The following UBR1 variants were observed in gnomAD, a reference collection of about 807,000 sequenced individuals.
The protein encoded by UBR1 is E3 ubiquitin-protein ligase UBR1.
Under a neutral mutation model 242.1 loss-of-function variants are expected in UBR1, and 102 were observed. The ratio of observed to expected loss-of-function variants is 0.42; its 90% CI spans 0.36 to 0.50. The LOEUF (loss-of-function observed/expected upper bound fraction) is 0.50. UBR1 is among the 20% of genes least tolerant of loss of function. The pLI is 0.01. For synonymous variants in UBR1, 675 were observed against 684.8 expected (o/e 0.99, Z 0.22); for missense variants, 1,772 against 2,101.8 (o/e 0.84, Z 3.07).
At chr15:43,056,279 T>C in intron 11 of UBR1, 65 bp downstream of exon 11, 2 of 1,212,212 alleles carry the variant, frequency 1.6e-6, no homozygotes, top group Admixed American at 1.7e-5. Flanking sequence ...CAACATTAAG[T>C]GGAATTCTTA....
intron 14 of UBR1, among the ~76,000 whole-genome samples, chr15:43,045,402 G>A (rs2033472003): frequency 6.6e-6 from 1 of 152,166 alleles, no homozygotes; most frequent in South Asian, 2.1e-4. Context: ...AGGAGGTCAA[G>A]GCTGCAGTGA....
intron 12 of UBR1, among the ~76,000 whole-genome samples, chr15:43,051,736 T>C (rs1419894816): frequency 1.3e-5 from 2 of 151,812 alleles, no homozygotes; most frequent in Non-Finnish European, 2.9e-5. Context: ...GTAAAGAAGA[T>C]GTAAGGGATT....
At position 42,944,241 on chromosome 15, in the gene UBR1, G is replaced by A. The variant is rs1419561033; in HGVS notation, c.*1088C>T. On this transcript the variant is annotated 3_prime_UTR_variant, in exon 47 of 47. Coordinates refer to ENST00000290650, the MANE Select transcript of UBR1 (RefSeq NM_174916.3). ...CCAAGAAGTCTATGCACAAATTCAG[G>A]AGAGCTCTATTATTTATAAACAAGA... is the stretch of plus-strand genomic sequence containing the variant. 2.6e-5 allele frequency: 4 copies of A among 152,538 alleles called. No homozygotes were observed. The allele number at this position is 152,538 out of a possible 1,614,324, so 9.4% of individuals were successfully genotyped here. A position where few individuals can be genotyped will look rare whatever the true frequency, so the allele number is the denominator to read the frequency against.
At chr15:43,006,292 A>G (rs1466995280) in intron 30 of UBR1, among the ~76,000 whole-genome samples, 1 of 152,178 alleles carries the variant, frequency 6.6e-6, no homozygotes, top group Non-Finnish European at 1.5e-5. Flanking sequence ...GTAAATACAC[A>G]TAAAGCACTT....
Position 43,067,351 on chromosome 15 carries a change from A to C in UBR1, c.798+547T>G, listed in dbSNP as rs970766166. Among the ~76,000 whole-genome samples the C allele has an allele frequency of 2.0e-5, 3 of 152,182 alleles. No individual in the cohort carries two copies. In the South Asian group the frequency reaches 6.2e-4, roughly 32 times the overall value. ...TTAAACCATGCGGTTTTTAAAAAGT[A>C]CATTAAAAATGAAAAAATTAAATGA... is the stretch of plus-strand genomic sequence containing the variant. On this transcript the variant is annotated intron_variant, in intron 6 of 46. Transcript: ENST00000290650.
chr15:43,056,256 T>C, intron 11 of UBR1, 88 bp downstream of exon 11: 2 of 1,046,680 alleles, frequency 1.9e-6, no homozygotes, highest in Non-Finnish European at 3.0e-6. Flanking sequence ...TCTAACATTG[T>C]TCTAATTTGA....
intron 28 of UBR1, among the ~76,000 whole-genome samples, chr15:43,016,739 G>T (rs182401236): frequency 4.6e-5 from 7 of 152,174 alleles, no homozygotes; most frequent in Non-Finnish European, 8.8e-5. Context: ...ACCACATTGG[G>T]CTAATTTTTG....
At chr15:43,096,189 T>TTC (rs1806305581) in intron 1 of UBR1, among the ~76,000 whole-genome samples, 1 of 151,608 alleles carries the variant, frequency 6.6e-6, no homozygotes, top group Non-Finnish European at 1.5e-5. Context: ...TTTTTTTTTT[T>TTC]CTGAGACAGA....
rs2141245099 is a variant in UBR1, at chr15:42,945,016, T to C, written c.*313A>G. Reference sequence around the variant, plus strand: ...AGAGTTAACCAACATATAAAATGTCTACAACTGTTTGACGTGACTTCATCT... The same window carrying C: ...AGAGTTAACCAACATATAAAATGTCCACAACTGTTTGACGTGACTTCATCT... On this transcript the variant is annotated 3_prime_UTR_variant, in exon 47 of 47. Transcript: ENST00000290650. 1 of 368,134 alleles carries C rather than the reference T, an allele frequency of 2.7e-6. No individual in the cohort carries two copies. The highest frequency in any genetic ancestry group is 2.3e-5 in the South Asian group (1 of 43,102). The allele number at this position is 368,134 out of a possible 1,614,324, so 22.8% of individuals were successfully genotyped here.
At chr15:43,056,279 T>A in intron 11 of UBR1, 65 bp downstream of exon 11, 1 of 1,212,212 alleles carries the variant, frequency 8.2e-7, no homozygotes, top group Non-Finnish European at 1.2e-6. Flanking sequence ...CAACATTAAG[T>A]GGAATTCTTA....
chr15:43,068,579 T>C (rs2033784450), intron 5 of UBR1, among the ~76,000 whole-genome samples: 1 of 152,076 alleles, frequency 6.6e-6, no homozygotes, highest in South Asian at 2.1e-4. Context: ...ATTTTTCATA[T>C]TACTTTCAAA....
intron 42 of UBR1, among the ~76,000 whole-genome samples, chr15:42,962,486 CCT>C (rs1172315523): frequency 1.3e-5 from 2 of 151,858 alleles, no homozygotes; most frequent in Non-Finnish European, 2.9e-5. Flanking sequence ...TGAACTGGGG[CCT>C]CTCTTTTTTT....
At chr15:42,965,019 G>C (rs930690008) in intron 41 of UBR1, among the ~76,000 whole-genome samples, 4 of 152,090 alleles carry the variant, frequency 2.6e-5, no homozygotes, top group African/African-American at 9.7e-5. Context: ...CCAATAAAAA[G>C]GACTTTATTT....
chr15:43,030,575 C>G (rs1031541220), intron 20 of UBR1, among the ~76,000 whole-genome samples: 1 of 152,140 alleles, frequency 6.6e-6, no homozygotes, highest in African/African-American at 2.4e-5. Flanking sequence ...AATGACAAAA[C>G]AGTAATATGT....
chr15:43,029,982 T>A lies in UBR1; in HGVS notation c.2341A>T (p.Met781Leu). The A allele has an allele frequency of 6.2e-7, 1 of 1,614,146 alleles. No homozygotes were observed. Among genetic ancestry groups the A allele is most frequent in the Non-Finnish European group, 8.5e-7 (1 of 1,180,004 alleles). ...EIIHLLCIEP[M>L]PHSAIAKNLP... The stretch of plus-strand genomic sequence containing the variant: ...TTTTTGGCAATGGCACTGTGTGGCA[T>A]GGGTTCAATGCAAAGCAAGTGAATG... The change falls in exon 21 of 47, where the codon ATG becomes TTG. Residue 781 changes from methionine to leucine, a missense_variant. Transcript: ENST00000290650.
At chr15:43,011,805 C>T (rs2141293032) in intron 29 of UBR1, 2 of 367,556 alleles carry the variant, frequency 5.4e-6, no homozygotes, top group South Asian at 4.2e-5. Flanking sequence ...GAGACACATA[C>T]AAAAAGATTC....
At chr15:42,984,764 C>T (rs1173517264) in intron 36 of UBR1, 123 bp downstream of exon 36, 1 of 863,192 alleles carries the variant, frequency 1.2e-6, no homozygotes, top group Non-Finnish European at 1.9e-6. Flanking sequence ...CCTTTTTTCC[C>T]CACTATAGAA....
intron 20 of UBR1, among the ~76,000 whole-genome samples, chr15:43,030,949 A>G (rs1361946231): frequency 6.6e-6 from 1 of 152,222 alleles, no homozygotes; most frequent in South Asian, 2.1e-4. Context: ...TGTAATTTCC[A>G]TAACTTTTCA....
At chr15:43,066,795 T>C (rs963732072) in intron 6 of UBR1, among the ~76,000 whole-genome samples, 2 of 152,318 alleles carry the variant, frequency 1.3e-5, no homozygotes, top group Non-Finnish European at 2.9e-5. Context: ...TGTTTTGTTT[T>C]AGTTTTTTTG....
Sources: allele counts gnomAD v4.1 joint callset (sites outside exome capture counted in the v4.1 genomes callset), GRCh38; gene constraint gnomAD v4.1.1; transcripts MANE v1.5; gene names NCBI Gene and HGNC (gene_info 2026-07-23, HGNC 2026-07-21).